The following PSMF1 variants were observed in gnomAD, a reference collection of about 807,000 sequenced individuals.
PSMF1 encodes proteasome inhibitor subunit 1.
Under a neutral mutation model 29.3 loss-of-function variants are expected in PSMF1, and 30 were observed. That is an observed-to-expected ratio of 1.02 (90% CI 0.77 to 1.39). The LOEUF (loss-of-function observed/expected upper bound fraction) is 1.39. Among genes scored for constraint, PSMF1 ranks in the 40% most tolerant of loss-of-function variants. The probability of loss-of-function intolerance (pLI) is 0.00; values close to 1 mark genes in which losing one functional copy is unlikely to be tolerated. For missense variants in PSMF1, 344 were observed against 357.5 expected (o/e 0.96, Z 0.31); for synonymous variants, 134 against 139.7 (o/e 0.96, Z 0.29).
At position 1,165,278 on chromosome 20, in the gene PSMF1, T is replaced by C. The variant is rs557234229; in HGVS notation, c.*198T>C. The C allele has an allele frequency of 1.4e-6, 2 of 1,418,566 alleles. No homozygotes were observed. The highest frequency in any genetic ancestry group is 2.9e-5 in the African/African-American group (2 of 69,310). 87.9% of individuals were successfully genotyped at this position (1,418,566 alleles called of 1,614,324 possible). On this transcript the variant is annotated 3_prime_UTR_variant, in exon 7 of 7. Transcript: ENST00000335877. ...AGCTCTCCACCTAGCTGCAGATAGC[T>C]CCCAAAGAGAAATCAGTGTGTCTCT...
chr20:1,120,839 A>G lies in PSMF1; in HGVS notation c.129+1937A>G, dbSNP rs141500931. On this transcript the variant is annotated intron_variant, in intron 1 of 6. Transcript: ENST00000335877. ...CTTACCTACTCCTAGCTAGCTACTT[A>G]GACTCTGCCACACTGTCAGAACCCC... is the stretch of plus-strand genomic sequence containing the variant. Among the ~76,000 whole-genome samples, 89 of 152,190 alleles carry G rather than the reference A, an allele frequency of 5.8e-4. No homozygotes were observed. In the East Asian group the frequency reaches 0.017, roughly 28 times the overall value.
upstream of PSMF1, chr20:1,118,464 G>T (rs1440850853): frequency 7.5e-6 from 2 of 265,208 alleles, no homozygotes; most frequent in East Asian, 1.4e-4. Flanking sequence ...CGATCCTGTC[G>T]ACTGCCGCCA....
intron 4 of PSMF1, among the ~76,000 whole-genome samples, chr20:1,139,852 T>C (rs2086359273): frequency 6.6e-6 from 1 of 151,758 alleles, no homozygotes; most frequent in South Asian, 2.1e-4. Flanking sequence ...AAGAATATAA[T>C]ACGTAAAAAT....
intron 4 of PSMF1, among the ~76,000 whole-genome samples, chr20:1,159,206 T>G (rs1409031399): frequency 6.6e-6 from 1 of 152,180 alleles, no homozygotes; most frequent in Admixed American, 6.5e-5. Flanking sequence ...AAATTTTTTA[T>G]ATTTTTCCTT....
chr20:1,137,111 C>T (rs181809697), intron 4 of PSMF1, among the ~76,000 whole-genome samples: 3 of 152,294 alleles, frequency 2.0e-5, no homozygotes, highest in Admixed American at 6.5e-5. Flanking sequence ...ATGCCAAGAA[C>T]GCCCTCCAAC....
chr20:1,144,911 T>C (rs938189856), intron 4 of PSMF1, among the ~76,000 whole-genome samples: 1 of 152,044 alleles, frequency 6.6e-6, no homozygotes, highest in Non-Finnish European at 1.5e-5. Context: ...TTTTTTTTCT[T>C]TTTAGACAGA....
rs2086724112 is a variant in PSMF1 at position 1,165,936 on chromosome 20, A to G, written c.*856A>G. On this transcript the variant is annotated 3_prime_UTR_variant, in exon 7 of 7. Coordinates refer to ENST00000335877, the MANE Select transcript of PSMF1 (RefSeq NM_006814.5). ...CCTCTTAGGGCCTTGTGCCAAGCCTATGAAATTGGAGGTGGCTTTCCTGCT... is the reference window on the plus strand; with the variant it reads ...CCTCTTAGGGCCTTGTGCCAAGCCTGTGAAATTGGAGGTGGCTTTCCTGCT... The G allele has an allele frequency of 6.0e-6, 8 of 1,343,870 alleles. No homozygotes were observed. The Middle Eastern group carries it at 1.1e-3, about 192-fold the overall frequency. 83.2% of individuals were successfully genotyped at this position (1,343,870 alleles called of 1,614,324 possible). A position where few individuals can be genotyped will look rare whatever the true frequency, so the allele number is the denominator to read the frequency against.
In PSMF1 at chr20:1,131,353, T is replaced by A. The variant is rs571675675; in HGVS notation, c.366-3768T>A. On this transcript the variant is annotated intron_variant, in intron 3 of 6. Coordinates refer to ENST00000335877, the MANE Select transcript of PSMF1 (RefSeq NM_006814.5). Reference sequence around the variant, plus strand: ...AGGGGTTTGTGTGTGAGGGAGGGGATATGTGTTGTGTTTTGTTTTGTTTTT... The same window carrying A: ...AGGGGTTTGTGTGTGAGGGAGGGGAAATGTGTTGTGTTTTGTTTTGTTTTT... Among the ~76,000 whole-genome samples, 4 of 152,346 alleles carry A rather than the reference T, an allele frequency of 2.6e-5. No homozygotes were observed. In the South Asian group the frequency reaches 8.3e-4, roughly 32 times the overall value.
At chr20:1,149,421 T>G (rs1361440340) in intron 4 of PSMF1, among the ~76,000 whole-genome samples, 3 of 152,252 alleles carry the variant, frequency 2.0e-5, no homozygotes, top group Non-Finnish European at 4.4e-5. Flanking sequence ...AAATACTGAT[T>G]CACTGAGATA....
intron 4 of PSMF1, among the ~76,000 whole-genome samples, chr20:1,149,482 T>A (rs1046987341): frequency 2.0e-5 from 3 of 152,236 alleles, no homozygotes; most frequent in African/African-American, 7.2e-5. Context: ...TCATTGCTAA[T>A]TTTTGCTTGA....
chr20:1,127,542 A>C (rs745985487), intron 3 of PSMF1, 34 bp downstream of exon 3: 4 of 1,507,698 alleles, frequency 2.7e-6, no homozygotes, highest in Non-Finnish European at 3.7e-6. Context: ...CCTGGGAAAA[A>C]GAAGAGAGAA....
At chr20:1,117,928 T>C (rs1247166247), upstream of PSMF1, 1 of 152,246 alleles carries the variant, frequency 6.6e-6, no homozygotes, top group African/African-American at 2.4e-5. Flanking sequence ...GAGCTTCAGC[T>C]CTGCGGGCAG....
At chr20:1,131,300 C>CT (rs779260942) in intron 3 of PSMF1, among the ~76,000 whole-genome samples, 57 of 152,166 alleles carry the variant, frequency 3.7e-4, no homozygotes, top group Middle Eastern at 6.3e-3. Context: ...GATCCTGTCT[C>CT]TATTTGTTTT....
chr20:1,128,453 A>G (rs1166076714), intron 3 of PSMF1, among the ~76,000 whole-genome samples: 1 of 152,174 alleles, frequency 6.6e-6, no homozygotes, highest in Non-Finnish European at 1.5e-5. Flanking sequence ...ATACACACAA[A>G]TATTTTCTGA....
intron 3 of PSMF1, among the ~76,000 whole-genome samples, chr20:1,133,763 G>A (rs1408126740): frequency 1.3e-5 from 2 of 150,190 alleles, no homozygotes; most frequent in Non-Finnish European, 3.0e-5. Context: ...TTTGGTTTTT[G>A]TTTTTTTATT....
At chr20:1,147,232 G>T (rs1454217973) in intron 4 of PSMF1, among the ~76,000 whole-genome samples, 2 of 152,050 alleles carry the variant, frequency 1.3e-5, no homozygotes, top group Non-Finnish European at 2.9e-5. Context: ...TTCACCATGC[G>T]TTGGCCTGTG....
chr20:1,138,935 G>A (rs1271905089), intron 4 of PSMF1, among the ~76,000 whole-genome samples: 1 of 152,202 alleles, frequency 6.6e-6, no homozygotes. Flanking sequence ...CAGCACTTTG[G>A]GAGGCCAAGG....
At position 1,168,940 on chromosome 20, in the gene PSMF1, A is replaced by C. The variant is rs2086762185; in HGVS notation, c.*3860A>C. Among the ~76,000 whole-genome samples, 3 of 152,084 alleles carry C rather than the reference A, an allele frequency of 2.0e-5. No individual in the cohort carries two copies. Reference sequence around the variant, plus strand: ...GTATAAACCACTATTGACTTTTTGCACCAAAGGAGATATTCAAGGACAGAC... The same window carrying C: ...GTATAAACCACTATTGACTTTTTGCCCCAAAGGAGATATTCAAGGACAGAC... On this transcript the variant is annotated 3_prime_UTR_variant, in exon 7 of 7. Transcript: ENST00000335877.
intron 1 of PSMF1, among the ~76,000 whole-genome samples, chr20:1,123,364 C>T (rs1304336727): frequency 6.6e-6 from 1 of 152,148 alleles, no homozygotes; most frequent in Non-Finnish European, 1.5e-5. Context: ...CACTCCCTCC[C>T]GCTGTATTCT....
Sources: allele counts gnomAD v4.1 joint callset (sites outside exome capture counted in the v4.1 genomes callset), GRCh38; gene constraint gnomAD v4.1.1; transcripts MANE v1.5; gene names NCBI Gene and HGNC (gene_info 2026-07-23, HGNC 2026-07-21).